ANKS1B: variants seen among roughly 807,000 people sequenced by gnomAD.
ANKS1B encodes the protein ankyrin repeat and sterile alpha motif domain containing 1B, also known as ankyrin repeat and sterile alpha motif domain-containing protein 1B.
A neutral mutation model predicts 148.3 loss-of-function variants in ANKS1B; 36 were observed. The observed-to-expected ratio is 0.24, with a 90% CI of 0.19 to 0.32. The LOEUF is 0.32. ANKS1B is among the 10% of genes least tolerant of loss of function. The pLI is 1.00. For synonymous variants in ANKS1B, 542 were observed against 560.8 expected (o/e 0.97, Z 0.47); for missense variants, 1,157 against 1,542.6 (o/e 0.75, Z 4.19).
chr12:99,595,769 G>A (rs1222821744), intron 9 of ANKS1B, among the ~76,000 whole-genome samples: 1 of 151,870 alleles, frequency 6.6e-6, no homozygotes, highest in Non-Finnish European at 1.5e-5. Flanking sequence ...AAATACATAT[G>A]CTTTGTGCAT....
At chr12:99,618,188 A>G (rs2097995355) in intron 9 of ANKS1B, among the ~76,000 whole-genome samples, 1 of 152,102 alleles carries the variant, frequency 6.6e-6, no homozygotes, top group Non-Finnish European at 1.5e-5. Context: ...CATTTACTAC[A>G]CAGTCTAGTC....
chr12:99,970,531 GA>G (rs5800395), intron 1 of ANKS1B, among the ~76,000 whole-genome samples: 1 of 147,252 alleles, frequency 6.8e-6, no homozygotes, highest in East Asian at 2.0e-4. Flanking sequence ...CATTAAAATT[GA>G]AAAAAAAAAA....
At chr12:99,355,448 C>A (rs929699883) in intron 12 of ANKS1B, among the ~76,000 whole-genome samples, 1 of 152,042 alleles carries the variant, frequency 6.6e-6, no homozygotes, top group Admixed American at 6.6e-5. Context: ...TATTTTAATG[C>A]CTTTTTAGTT....
chr12:99,051,400 G>A (rs2099965973), intron 17 of ANKS1B, among the ~76,000 whole-genome samples: 2 of 152,238 alleles, frequency 1.3e-5, no homozygotes, highest in Admixed American at 1.3e-4. Flanking sequence ...TTAGGTAGCA[G>A]TGTGATTCAG....
At chr12:99,167,621 C>T (rs542865075) in intron 14 of ANKS1B, among the ~76,000 whole-genome samples, 1 of 152,210 alleles carries the variant, frequency 6.6e-6, no homozygotes, top group South Asian at 2.1e-4. Flanking sequence ...ATGTTACAAC[C>T]ACTTTGGAAA....
At chr12:99,256,735 C>T (rs1389217876) in intron 12 of ANKS1B, among the ~76,000 whole-genome samples, 2 of 152,050 alleles carry the variant, frequency 1.3e-5, no homozygotes, top group Non-Finnish European at 2.9e-5. Flanking sequence ...TGATACCTGT[C>T]TTTCTTGTGG....
intron 16 of ANKS1B, among the ~76,000 whole-genome samples, chr12:99,054,229 G>T (rs1192559936): frequency 6.6e-6 from 1 of 152,098 alleles, no homozygotes; most frequent in African/African-American, 2.4e-5. Context: ...ACCTGATGGG[G>T]GCCTTCGGTA....
At chr12:99,217,056 A>G (rs2084317565) in intron 14 of ANKS1B, among the ~76,000 whole-genome samples, 1 of 152,188 alleles carries the variant, frequency 6.6e-6, no homozygotes, top group Admixed American at 6.5e-5. Flanking sequence ...CAAAAATAAC[A>G]TGGGCCCTGA....
intron 14 of ANKS1B, among the ~76,000 whole-genome samples, chr12:99,164,571 T>G (rs1438799987): frequency 6.6e-6 from 1 of 152,104 alleles, no homozygotes; most frequent in Non-Finnish European, 1.5e-5. Flanking sequence ...TATATACTTT[T>G]CTATGATTAT....
At chr12:99,258,436 A>G (rs2075544883) in intron 12 of ANKS1B, among the ~76,000 whole-genome samples, 1 of 152,028 alleles carries the variant, frequency 6.6e-6, no homozygotes, top group Admixed American at 6.6e-5. Flanking sequence ...ATTTAAAAAA[A>G]AAAGCATGCA....
intron 11 of ANKS1B, among the ~76,000 whole-genome samples, chr12:99,435,121 T>C (rs2095438115): frequency 6.6e-6 from 1 of 152,072 alleles, no homozygotes; most frequent in African/African-American, 2.4e-5. Context: ...GCATGACCAC[T>C]ATATGGATTG....
chr12:98,939,668 C>T (rs1432143111), intron 17 of ANKS1B, among the ~76,000 whole-genome samples: 1 of 152,138 alleles, frequency 6.6e-6, no homozygotes, highest in Non-Finnish European at 1.5e-5. Flanking sequence ...GGTTGATATT[C>T]CCCCCAATAA....
chr12:99,739,938 A>G (rs2153579444), intron 8 of ANKS1B, among the ~76,000 whole-genome samples: 1 of 152,204 alleles, frequency 6.6e-6, no homozygotes, highest in Non-Finnish European at 1.5e-5. Flanking sequence ...ATCATACTAC[A>G]TATTTTCACA....
At position 98,878,048 on chromosome 12, in the gene ANKS1B, A is replaced by C. The variant is rs560503758; in HGVS notation, c.2779-45912T>G. Among the ~76,000 whole-genome samples, 277 of 152,204 alleles carry C rather than the reference A, an allele frequency of 1.8e-3. 1 individual carries two copies. Among genetic ancestry groups the C allele is most frequent in the African/African-American group, 5.7e-3 (238 of 41,528 alleles). On this transcript the variant is annotated intron_variant, in intron 17 of 26. Coordinates refer to ENST00000683438, the MANE Select transcript of ANKS1B (RefSeq NM_001352186.2). ...GAAATGGTTTGAGTATATACAGTATACTCTAAAGGTTTAATTAAAATGGAA... is the reference window on the plus strand; with the variant it reads ...GAAATGGTTTGAGTATATACAGTATCCTCTAAAGGTTTAATTAAAATGGAA...
chr12:99,845,977 T>A (rs2086607592), intron 1 of ANKS1B, among the ~76,000 whole-genome samples: 1 of 152,116 alleles, frequency 6.6e-6, no homozygotes, highest in Non-Finnish European at 1.5e-5. Flanking sequence ...ATTATTATTT[T>A]AAAAAATTGA....
chr12:99,769,514 G>T (rs1042196099), intron 8 of ANKS1B, among the ~76,000 whole-genome samples: 3 of 152,128 alleles, frequency 2.0e-5, no homozygotes, highest in Non-Finnish European at 2.9e-5. Context: ...TCCTACACAA[G>T]AATTTATTCT....
intron 2 of ANKS1B, among the ~76,000 whole-genome samples, chr12:99,818,977 G>C (rs1459001367): frequency 1.3e-5 from 2 of 151,904 alleles, no homozygotes; most frequent in East Asian, 1.9e-4. Flanking sequence ...AAGATTCCCT[G>C]TAATTAAATC....
intron 17 of ANKS1B, among the ~76,000 whole-genome samples, chr12:98,895,491 T>C (rs1447066206): frequency 6.6e-6 from 1 of 152,214 alleles, no homozygotes; most frequent in Non-Finnish European, 1.5e-5. Flanking sequence ...AAGCAGGTCC[T>C]GCTCTGTCTG....
intron 4 of ANKS1B, among the ~76,000 whole-genome samples, chr12:99,804,795 A>T (rs2067380248): frequency 1.3e-5 from 2 of 152,140 alleles, no homozygotes; most frequent in South Asian, 4.1e-4. Context: ...AGCCAAGCAA[A>T]CATGGCAGAA....
Sources: gnomAD v4.1 joint callset for allele counts (sites outside exome capture counted in the v4.1 genomes callset) on GRCh38, gnomAD v4.1.1 for gene constraint, MANE v1.5 for transcripts, NCBI Gene and HGNC (gene_info 2026-07-23, HGNC 2026-07-21) for gene names.